Variants in AGBL3 observed in about 807,000 individuals in gnomAD.
AGBL3 encodes AGBL carboxypeptidase 3.
In AGBL3, 68 loss-of-function variants were observed where a neutral mutation model predicts 94.5. The observed-to-expected ratio is 0.72, with a 90% CI of 0.59 to 0.88. AGBL3 has a LOEUF of 0.88. Ranked by LOEUF, AGBL3 falls within the 40% of genes least tolerant of loss-of-function variation. The pLI, the probability that AGBL3 is intolerant of heterozygous loss-of-function variation, is 0.00. For synonymous variants in AGBL3, 354 were observed against 370.7 expected (o/e 0.95, Z 0.52); for missense variants, 934 against 1,103.8 (o/e 0.85, Z 2.18).
chr7:135,012,352 G>A (rs1813265023), intron 4 of AGBL3: 1 of 152,100 alleles, frequency 6.6e-6, no homozygotes, highest in Non-Finnish European at 1.5e-5. Context: ...GGGAGGGAGA[G>A]GCTGGTGATG....
At position 135,134,861 on chromosome 7, in the gene AGBL3, GA is replaced by G; in HGVS notation, c.2366del (p.Asn789IlefsTer2). ...TCTAGACTAAATCCGGCTACTTGCA[GA>G]AATATAAAGAAATACAGCACATCTT... The part of the protein sequence containing the change: ...IQHQLNPATC[R>X]NIKKYSTSWT... On this transcript the variant is annotated frameshift_variant, in exon 17 of 17. Transcript: ENST00000436302. LOFTEE classifies it low-confidence loss of function (END_TRUNC). 6.5e-7 allele frequency: 1 copy of G among 1,548,524 alleles called. No homozygotes were observed.
At position 135,073,714 on chromosome 7, in the gene AGBL3, T is replaced by C. The variant is rs376269180; in HGVS notation, c.1909-2683T>C. ...GTCTGCATGATAGGGTCATGACCGA[T>C]TGAGCAAGCAGGGGGTACGTGACTG... On this transcript the variant is annotated intron_variant, in intron 12 of 16. Coordinates refer to ENST00000436302, the MANE Select transcript of AGBL3 (RefSeq NM_178563.4). 4.0e-5 allele frequency among the ~76,000 whole-genome samples: 6 copies of C among 151,818 alleles called. No homozygotes were observed. In the East Asian group the frequency reaches 7.8e-4, roughly 20 times the overall value.
intron 3 of AGBL3, among the ~76,000 whole-genome samples, chr7:134,991,603 A>G (rs1256280716): frequency 6.6e-6 from 1 of 152,028 alleles, no homozygotes; most frequent in Non-Finnish European, 1.5e-5. Flanking sequence ...TTCTGTCTGT[A>G]CTGAGAACGC....
At chr7:135,084,073 T>A (rs148616377) in intron 15 of AGBL3, among the ~76,000 whole-genome samples, 1 of 152,120 alleles carries the variant, frequency 6.6e-6, no homozygotes, top group Non-Finnish European at 1.5e-5. Flanking sequence ...CTTTCAATAA[T>A]GGTCTATTAC....
intron 15 of AGBL3, among the ~76,000 whole-genome samples, chr7:135,098,775 T>C (rs936220545): frequency 6.6e-6 from 1 of 152,176 alleles, no homozygotes; most frequent in East Asian, 1.9e-4. Context: ...AGAGCAAAAA[T>C]ATCCTACTTT....
chr7:135,108,862 A>C (rs1482766149), intron 15 of AGBL3, among the ~76,000 whole-genome samples: 1 of 152,136 alleles, frequency 6.6e-6, no homozygotes, highest in East Asian at 1.9e-4. Context: ...CATGTTTCTC[A>C]GAGGTTTTGT....
chr7:135,016,484 T>A (rs1813821818), intron 4 of AGBL3, among the ~76,000 whole-genome samples: 1 of 152,136 alleles, frequency 6.6e-6, no homozygotes, highest in African/African-American at 2.4e-5. Context: ...TGATGTCATT[T>A]TTCCCCCATC....
chr7:134,989,139 A>G, intron 2 of AGBL3, 111 bp from the exon 3 acceptor site: 1 of 673,210 alleles, frequency 1.5e-6, no homozygotes, highest in African/African-American at 1.9e-5. Context: ...CTCGTTTATT[A>G]AAGGTTAAAG....
chr7:135,038,176 C>T (rs1040648124), intron 8 of AGBL3, among the ~76,000 whole-genome samples: 7 of 152,086 alleles, frequency 4.6e-5, no homozygotes, highest in African/African-American at 1.7e-4. Flanking sequence ...AAAATTCCTG[C>T]AGACTTTCCT....
At chr7:135,047,677 T>C (rs970428478) in intron 11 of AGBL3, among the ~76,000 whole-genome samples, 29 of 152,014 alleles carry the variant, frequency 1.9e-4, no homozygotes, top group Admixed American at 1.7e-3. Context: ...ATTGTAGAAA[T>C]ATCTATTCAA....
intron 7 of AGBL3, among the ~76,000 whole-genome samples, chr7:135,035,351 G>T (rs1816198950): frequency 6.6e-6 from 1 of 151,972 alleles, no homozygotes; most frequent in Non-Finnish European, 1.5e-5. Context: ...TGAATGTCTT[G>T]TAAGAAGTTT....
At chr7:135,017,716 T>C (rs1813968887) in intron 5 of AGBL3, among the ~76,000 whole-genome samples, 1 of 152,208 alleles carries the variant, frequency 6.6e-6, no homozygotes. Flanking sequence ...TTAGAGTGTT[T>C]TCGTATATTA....
intron 14 of AGBL3, among the ~76,000 whole-genome samples, chr7:135,080,759 T>C (rs978415471): frequency 8.6e-5 from 13 of 151,114 alleles, no homozygotes; most frequent in African/African-American, 2.9e-4. Context: ...TTTTTTTTTT[T>C]CTTAATTCTG....
intron 15 of AGBL3, among the ~76,000 whole-genome samples, chr7:135,087,223 C>T (rs1381404272): frequency 1.3e-5 from 2 of 151,464 alleles, no homozygotes; most frequent in Non-Finnish European, 3.0e-5. Context: ...TGGGTCTTTT[C>T]TTTTTTTCTC....
Position 135,043,765 on chromosome 7 carries a change from T to C in AGBL3, c.1501-260T>C, listed in dbSNP as rs1366515511. On this transcript the variant is annotated intron_variant, in intron 8 of 16. Coordinates refer to ENST00000436302, the MANE Select transcript of AGBL3 (RefSeq NM_178563.4). ...AAAAAGAACTTATTTTGAATATATA[T>C]GTTACATAAAGATATATACATATCT... Among the ~76,000 whole-genome samples, 6 of 151,420 alleles carry C rather than the reference T, an allele frequency of 4.0e-5. No homozygotes were observed. In the Admixed American group the frequency reaches 4.0e-4, roughly 10 times the overall value.
chr7:135,122,042 C>G (rs1827211253), intron 16 of AGBL3, among the ~76,000 whole-genome samples: 1 of 152,206 alleles, frequency 6.6e-6, no homozygotes, highest in Non-Finnish European at 1.5e-5. Flanking sequence ...TGACCAGCAC[C>G]ACAGCTGTGT....
At chr7:135,048,131 T>G (rs947924842) in intron 11 of AGBL3, among the ~76,000 whole-genome samples, 2 of 151,958 alleles carry the variant, frequency 1.3e-5, no homozygotes, top group African/African-American at 4.8e-5. Context: ...TTGTGTATCC[T>G]TGGCACCCGT....
chr7:135,045,332 A>T, intron 9 of AGBL3, 142 bp from the exon 10 acceptor site: 1 of 659,136 alleles, frequency 1.5e-6, no homozygotes, highest in Non-Finnish European at 2.6e-6. Context: ...ATGAGATGTT[A>T]AATGACCTGT....
intron 5 of AGBL3, among the ~76,000 whole-genome samples, chr7:135,019,556 A>T (rs1249213197): frequency 6.6e-6 from 1 of 151,866 alleles, no homozygotes; most frequent in Non-Finnish European, 1.5e-5. Flanking sequence ...CCCACCTTTT[A>T]ACAAAATTGA....
Sources: gnomAD v4.1 joint callset for allele counts (sites outside exome capture counted in the v4.1 genomes callset) on GRCh38, gnomAD v4.1.1 for gene constraint, MANE v1.5 for transcripts, NCBI Gene and HGNC (gene_info 2026-07-23, HGNC 2026-07-21) for gene names.